TPST2: variants seen among roughly 807,000 people sequenced by gnomAD.
The protein encoded by TPST2 is tyrosylprotein sulfotransferase 2, also known as protein-tyrosine sulfotransferase 2.
In TPST2, 16 loss-of-function variants were observed where a neutral mutation model predicts 27.8. The observed-to-expected ratio is 0.58, with a 90% CI of 0.39 to 0.88. The LOEUF is 0.88. Among genes scored for constraint, TPST2 ranks in the 40% least tolerant of loss-of-function variants. TPST2 has a pLI of 0.00. For missense variants in TPST2, 464 were observed against 543.1 expected, an observed-to-expected ratio of 0.85 and a Z score of 1.45; for synonymous variants, 229 against 231.7, an observed-to-expected ratio of 0.99 and a Z score of 0.10.
chr22:26,586,968 T>C (rs1443931715), intron 1 of TPST2, among the ~76,000 whole-genome samples: 1 of 152,068 alleles, frequency 6.6e-6, no homozygotes, highest in Non-Finnish European at 1.5e-5. Context: ...AGATGAAGCG[T>C]CTGTAACTCA....
intron 1 of TPST2, among the ~76,000 whole-genome samples, chr22:26,581,017 CAT>C (rs56405869): frequency 0.44 from 50,326 of 113,362 alleles, 8,896 homozygotes; most frequent in South Asian, 0.55. Flanking sequence ...CCTCAACATA[CAT>C]ACACACACAC....
intron 1 of TPST2, among the ~76,000 whole-genome samples, chr22:26,573,931 C>T (rs557928396): frequency 7.2e-5 from 11 of 152,112 alleles, no homozygotes; most frequent in South Asian, 6.2e-4. Context: ...CAGGAAGAAC[C>T]GGAAGAATTG....
At chr22:26,586,868 CAA>C (rs1415160010) in intron 1 of TPST2, among the ~76,000 whole-genome samples, 1 of 152,092 alleles carries the variant, frequency 6.6e-6, no homozygotes, top group Non-Finnish European at 1.5e-5. Context: ...CTTGCTGAAG[CAA>C]AGAGTGTGAA....
chr22:26,543,924 C>A (rs1406936995), intron 2 of TPST2, among the ~76,000 whole-genome samples: 1 of 152,152 alleles, frequency 6.6e-6, no homozygotes, highest in South Asian at 2.1e-4. Context: ...AGCTAGGGAC[C>A]CCACTGTGGA....
chr22:26,526,889 C>T (rs1924872984), intron 6 of TPST2, among the ~76,000 whole-genome samples: 1 of 152,078 alleles, frequency 6.6e-6, no homozygotes, highest in African/African-American at 2.4e-5. Flanking sequence ...ACCAGCCTGG[C>T]CAACATGGTG....
chr22:26,548,544 AG>A (rs1309277801), intron 1 of TPST2, among the ~76,000 whole-genome samples: 1 of 2,892 alleles, frequency 3.5e-4, no homozygotes, highest in Non-Finnish European at 8.9e-4. Flanking sequence ...GGAAGGAGAA[AG>A]AAAAAAGAGA....
At chr22:26,528,289 G>A (rs1362119088) in intron 5 of TPST2, 27 bp from the exon 6 acceptor site, 1 of 1,557,034 alleles carries the variant, frequency 6.4e-7, no homozygotes, top group Non-Finnish European at 8.7e-7. Context: ...CACAGAAGAA[G>A]GGGTCACGGC....
intron 3 of TPST2, 97 bp downstream of exon 3, chr22:26,540,692 G>A: frequency 1.6e-6 from 2 of 1,212,334 alleles, no homozygotes; most frequent in Non-Finnish European, 2.2e-6. Flanking sequence ...ACTTGCCCAA[G>A]GCCACACAGC....
At chr22:26,545,260 C>G (rs1359914930) in intron 1 of TPST2, among the ~76,000 whole-genome samples, 1 of 152,126 alleles carries the variant, frequency 6.6e-6, no homozygotes, top group African/African-American at 2.4e-5. Context: ...TGTGATGATC[C>G]CAATTTTACA....
intron 1 of TPST2, among the ~76,000 whole-genome samples, chr22:26,575,756 G>A (rs1927808155): frequency 6.6e-6 from 1 of 152,216 alleles, no homozygotes; most frequent in Admixed American, 6.5e-5. Flanking sequence ...AGCACTTTGG[G>A]AGGCCAAGGT....
At chr22:26,533,073 G>A (rs933965420) in intron 4 of TPST2, among the ~76,000 whole-genome samples, 1 of 152,132 alleles carries the variant, frequency 6.6e-6, no homozygotes, top group Non-Finnish European at 1.5e-5. Context: ...ACAGTAAAGA[G>A]GTGGGATTAG....
At chr22:26,538,549 C>T (rs910495986) in intron 3 of TPST2, among the ~76,000 whole-genome samples, 1 of 152,232 alleles carries the variant, frequency 6.6e-6, no homozygotes, top group Non-Finnish European at 1.5e-5. Flanking sequence ...AGGTCAGGCG[C>T]GGTGGCTCAT....
Position 26,589,697 on chromosome 22 carries a change from C to T in TPST2, c.-161+356G>A, listed in dbSNP as rs972400883. Among the ~76,000 whole-genome samples, 7 of 152,264 alleles carry T rather than the reference C, an allele frequency of 4.6e-5. No homozygotes were observed. The South Asian group carries it at 1.4e-3, about 32-fold the overall frequency. On this transcript the variant is annotated intron_variant, in intron 1 of 6. Transcript: ENST00000338754. Reference sequence around the variant, plus strand: ...GCGCGCCTGGGCGAGGTTGGGGACTCCGGAGGCGGGGACGCGCCGCCCTCC... The same window carrying T: ...GCGCGCCTGGGCGAGGTTGGGGACTTCGGAGGCGGGGACGCGCCGCCCTCC...
rs1040274287 is a variant in TPST2, at chr22:26,524,170, C to T, written c.*2105G>A. ...GAAGAAATGAACAAAAAGGGTCACA[C>T]CTTCAAAAAAGCCTAATTTCCATTC... is the stretch of plus-strand genomic sequence containing the variant. On this transcript the variant is annotated 3_prime_UTR_variant, in exon 7 of 7. Coordinates refer to ENST00000338754, the MANE Select transcript of TPST2 (RefSeq NM_003595.5). The T allele has an allele frequency of 2.6e-5, 4 of 152,212 alleles. No individual in the cohort carries two copies. Among genetic ancestry groups the T allele is most frequent in the Non-Finnish European group, 4.4e-5 (3 of 68,002 alleles). The allele number at this position is 152,212 out of a possible 1,614,324, so 9.4% of individuals were successfully genotyped here. A position where few individuals can be genotyped will look rare whatever the true frequency, so the allele number is the denominator to read the frequency against.
intron 1 of TPST2, among the ~76,000 whole-genome samples, chr22:26,571,024 A>G (rs1210463640): frequency 2.0e-5 from 3 of 152,204 alleles, no homozygotes; most frequent in Non-Finnish European, 4.4e-5. Flanking sequence ...TTCAGCAAGC[A>G]GCCACAGTGA....
At chr22:26,529,339 C>T (rs112954672) in intron 5 of TPST2, among the ~76,000 whole-genome samples, 16,330 of 152,048 alleles carry the variant, frequency 0.11, 1,312 homozygotes, top group South Asian at 0.31. Context: ...CATGTTGGCC[C>T]GGCTGGTTTT....
At chr22:26,587,873 G>A (rs1330120055) in intron 1 of TPST2, among the ~76,000 whole-genome samples, 3 of 151,952 alleles carry the variant, frequency 2.0e-5, no homozygotes, top group African/African-American at 4.8e-5. Flanking sequence ...TAGGAGGATC[G>A]CTTGAGACCA....
At chr22:26,569,927 G>C (rs1927535310) in intron 1 of TPST2, among the ~76,000 whole-genome samples, 1 of 142,852 alleles carries the variant, frequency 7.0e-6, no homozygotes, top group East Asian at 2.1e-4. Flanking sequence ...ACTCCAGCCT[G>C]GGTGTCAGAG....
chr22:26,557,071 G>A (rs1009800492), intron 1 of TPST2, among the ~76,000 whole-genome samples: 3 of 152,246 alleles, frequency 2.0e-5, no homozygotes, highest in African/African-American at 7.2e-5. Flanking sequence ...GTAGGTAGGA[G>A]ATGGCAACTG....
Sources: allele counts gnomAD v4.1 joint callset (sites outside exome capture counted in the v4.1 genomes callset), GRCh38; gene constraint gnomAD v4.1.1; transcripts MANE v1.5; gene names NCBI Gene and HGNC (gene_info 2026-07-23, HGNC 2026-07-21).